ESRRG: variants seen among roughly 807,000 people sequenced by gnomAD.
ESRRG encodes estrogen-related receptor gamma.
ESRRG carries 13 observed loss-of-function variants against 44.0 expected under a neutral mutation model. That is an observed-to-expected ratio of 0.30 (90% confidence interval 0.19 to 0.47). The LOEUF (loss-of-function observed/expected upper bound fraction) is 0.47. ESRRG is among the 20% of genes least tolerant of loss of function. The pLI, the probability that ESRRG is intolerant of heterozygous loss-of-function variation, is 1.00. For synonymous variants in ESRRG, 215 were observed against 214.6 expected, an observed-to-expected ratio of 1.00 and a Z score of -0.02; for missense variants, 395 against 580.6, an observed-to-expected ratio of 0.68 and a Z score of 3.29.
chr1:216,557,044 C>A (rs1320635488), intron 5 of ESRRG, among the ~76,000 whole-genome samples: 1 of 152,176 alleles, frequency 6.6e-6, no homozygotes, highest in Non-Finnish European at 1.5e-5. Context: ...GCCCAGTGAT[C>A]TGAAGAGAGT....
intron 1 of ESRRG, among the ~76,000 whole-genome samples, chr1:217,024,214 C>T (rs1055809679): frequency 6.6e-6 from 1 of 151,938 alleles, no homozygotes; most frequent in African/African-American, 2.4e-5. Context: ...AAAGATTAGC[C>T]GGGCATGGTG....
chr1:216,951,778 C>G (rs967703284), intron 1 of ESRRG, among the ~76,000 whole-genome samples: 3 of 148,518 alleles, frequency 2.0e-5, no homozygotes, highest in East Asian at 4.0e-4. Flanking sequence ...AAAATAAAAG[C>G]TTGCATTAAA....
At chr1:216,622,477 G>A (rs1319421496) in intron 3 of ESRRG, among the ~76,000 whole-genome samples, 1 of 152,092 alleles carries the variant, frequency 6.6e-6, no homozygotes, top group Non-Finnish European at 1.5e-5. Flanking sequence ...TAGGAATACA[G>A]ACTCCATACT....
chr1:216,810,979 C>CCT (rs747989246), intron 2 of ESRRG, among the ~76,000 whole-genome samples: 21 of 151,974 alleles, frequency 1.4e-4, no homozygotes, highest in Non-Finnish European at 2.9e-4. Context: ...ATGTAACCTG[C>CCT]CTTTATGCAC....
chr1:216,905,302 C>CT lies in ESRRG; in HGVS notation c.-14+34279dup, dbSNP rs71163775. Among the ~76,000 whole-genome samples, 93 of 149,402 alleles carry CT rather than the reference C, an allele frequency of 6.2e-4. No homozygotes were observed. In the East Asian group the frequency reaches 0.012, roughly 20 times the overall value. ...ATTCACTAGGCTCCAGTCATGTTGC[C>CT]TTTTTTTTTTCCTGTTCTTTGAACC... On this transcript the variant is annotated intron_variant, in intron 2 of 7. Coordinates refer to the ESRRG transcript ENST00000359162.
chr1:216,857,038 C>G (rs1427935843), intron 2 of ESRRG, among the ~76,000 whole-genome samples: 1 of 152,058 alleles, frequency 6.6e-6, no homozygotes, highest in East Asian at 1.9e-4. Flanking sequence ...CTGCACCGGT[C>G]TGCAAACAAA....
chr1:216,796,395 C>T (rs1433820443), intron 2 of ESRRG, among the ~76,000 whole-genome samples: 1 of 152,064 alleles, frequency 6.6e-6, no homozygotes, highest in Non-Finnish European at 1.5e-5. Flanking sequence ...TTTTGGGATG[C>T]CCTCAATAGC....
intron 2 of ESRRG, chr1:216,854,935 A>C (rs950028299): frequency 2.6e-5 from 4 of 152,142 alleles, no homozygotes; most frequent in Non-Finnish European, 2.9e-5. Flanking sequence ...AAAGCATAGA[A>C]TTTTTGCTCA....
intron 2 of ESRRG, among the ~76,000 whole-genome samples, chr1:216,871,543 T>C (rs1452672391): frequency 1.3e-5 from 2 of 152,006 alleles, no homozygotes; most frequent in Non-Finnish European, 2.9e-5. Context: ...TTTTTCTCTC[T>C]TAGTTTTAAC....
At chr1:216,888,139 T>C (rs945054077) in intron 2 of ESRRG, among the ~76,000 whole-genome samples, 1 of 152,178 alleles carries the variant, frequency 6.6e-6, no homozygotes, top group Admixed American at 6.5e-5. Flanking sequence ...TTTTCCTTTA[T>C]TTTACTTCTA....
At chr1:216,978,791 A>C (rs928423503) in intron 1 of ESRRG, among the ~76,000 whole-genome samples, 1 of 152,142 alleles carries the variant, frequency 6.6e-6, no homozygotes, top group African/African-American at 2.4e-5. Context: ...ATGAAATGAG[A>C]GCTGTGAGCC....
At chr1:216,915,239 T>G (rs909395608) in intron 2 of ESRRG, among the ~76,000 whole-genome samples, 1 of 152,114 alleles carries the variant, frequency 6.6e-6, no homozygotes, top group Non-Finnish European at 1.5e-5. Context: ...TGGGGCAACT[T>G]GAAGAAGACA....
At chr1:216,831,973 C>T (rs974280235) in intron 2 of ESRRG, among the ~76,000 whole-genome samples, 2 of 152,180 alleles carry the variant, frequency 1.3e-5, no homozygotes, top group Non-Finnish European at 2.9e-5. Flanking sequence ...TAGCCAAGAG[C>T]TGCCTGTCTG....
rs372974798 is a variant in ESRRG, at chr1:216,554,936, A to T, written c.862+9283T>A. Among the ~76,000 whole-genome samples the T allele has an allele frequency of 1.7e-3, 262 of 152,282 alleles. 3 individuals are homozygous for T. The South Asian group carries it at 0.022, about 13-fold the overall frequency. ...AATCCCTCAACAGAGGTGATGCAAC[A>T]GTCTATTAGATCTCAATATCAAAAA... On this transcript the variant is annotated intron_variant, in intron 5 of 6. Transcript: ENST00000408911.
intron 1 of ESRRG, among the ~76,000 whole-genome samples, chr1:217,022,734 C>T (rs756648067): frequency 2.0e-5 from 3 of 152,096 alleles, no homozygotes; most frequent in Non-Finnish European, 4.4e-5. Flanking sequence ...GCAATGTACA[C>T]TTTGTTTTGT....
At chr1:216,565,579 G>A (rs1165991676) in intron 4 of ESRRG, among the ~76,000 whole-genome samples, 1 of 152,058 alleles carries the variant, frequency 6.6e-6, no homozygotes, top group African/African-American at 2.4e-5. Flanking sequence ...ATGAAAGAAT[G>A]TGGCTTGTCC....
chr1:216,629,024 C>T (rs180916686), intron 3 of ESRRG, among the ~76,000 whole-genome samples: 1 of 152,284 alleles, frequency 6.6e-6, no homozygotes, highest in Non-Finnish European at 1.5e-5. Flanking sequence ...TTAATGTCTG[C>T]TCATTCTTCA....
At chr1:216,555,672 T>C (rs944947452) in intron 5 of ESRRG, among the ~76,000 whole-genome samples, 1 of 152,150 alleles carries the variant, frequency 6.6e-6, no homozygotes, top group Non-Finnish European at 1.5e-5. Flanking sequence ...TGCCACACAA[T>C]TTATATCTCT....
At chr1:217,003,220 G>A (rs952545677) in intron 1 of ESRRG, among the ~76,000 whole-genome samples, 1 of 152,052 alleles carries the variant, frequency 6.6e-6, no homozygotes, top group Admixed American at 6.6e-5. Flanking sequence ...GTGATATAAT[G>A]TTGGAGAAAG....
Sources: allele counts gnomAD v4.1 joint callset (sites outside exome capture counted in the v4.1 genomes callset), GRCh38; gene constraint gnomAD v4.1.1; transcripts MANE v1.5; gene names NCBI Gene and HGNC (gene_info 2026-07-23, HGNC 2026-07-21).